GPHN: variants seen among roughly 807,000 people sequenced by gnomAD.
GPHN encodes the protein gephyrin.
Under a neutral mutation model 95.5 loss-of-function variants are expected in GPHN, and 17 were observed. That is an observed-to-expected ratio of 0.18 (90% CI 0.12 to 0.27). The LOEUF (loss-of-function observed/expected upper bound fraction) is 0.27. GPHN is among the 10% of genes least tolerant of loss of function. The pLI is 1.00. For synonymous variants in GPHN, 320 were observed against 322.5 expected, an observed-to-expected ratio of 0.99 and a Z score of 0.08; for missense variants, 660 against 978.1, an observed-to-expected ratio of 0.67 and a Z score of 4.34.
the GPHN span, among the ~76,000 whole-genome samples, chr14:67,320,595 T>C: frequency 6.6e-6 from 1 of 152,216 alleles, no homozygotes; most frequent in Non-Finnish European, 1.5e-5. Context: ...CCTTCAAGTA[T>C]GTACTGATTA....
the GPHN span, chr14:67,652,584 A>G: frequency 6.6e-6 from 1 of 152,288 alleles, no homozygotes; most frequent in Non-Finnish European, 1.5e-5. Context: ...TCCTCTGGGC[A>G]ACCTGACAGT....
the GPHN span, among the ~76,000 whole-genome samples, chr14:67,237,340 T>G: frequency 6.6e-6 from 1 of 152,030 alleles, no homozygotes; most frequent in Non-Finnish European, 1.5e-5. Context: ...AAGACCTGGT[T>G]TTCACTAGTA....
At chr14:66,552,852 T>C (rs1358689805) in intron 1 of GPHN, among the ~76,000 whole-genome samples, 1 of 152,196 alleles carries the variant, frequency 6.6e-6, no homozygotes, top group African/African-American at 2.4e-5. Flanking sequence ...CTGGCTGCTT[T>C]CAAGATTTTT....
intron 1 of GPHN, among the ~76,000 whole-genome samples, chr14:66,678,698 G>A (rs769733949): frequency 1.4e-4 from 22 of 151,880 alleles, no homozygotes; most frequent in Middle Eastern, 3.4e-3. Flanking sequence ...TAGCAATTTC[G>A]TCTTTCAGTT....
At chr14:66,864,800 C>T (rs1013289180) in intron 4 of GPHN, among the ~76,000 whole-genome samples, 3 of 151,884 alleles carry the variant, frequency 2.0e-5, no homozygotes, top group Non-Finnish European at 2.9e-5. Flanking sequence ...CTCAGTATTT[C>T]CAAGGAATAT....
At chr14:66,620,949 A>T (rs1388160835) in intron 1 of GPHN, among the ~76,000 whole-genome samples, 1 of 152,166 alleles carries the variant, frequency 6.6e-6, no homozygotes, top group Non-Finnish European at 1.5e-5. Flanking sequence ...TGCCAGTCCC[A>T]AATCCAGCAG....
chr14:66,526,562 T>A (rs2058701225), intron 1 of GPHN, among the ~76,000 whole-genome samples: 1 of 152,238 alleles, frequency 6.6e-6, no homozygotes, highest in African/African-American at 2.4e-5. Flanking sequence ...GTGCTGGTTT[T>A]CAAAGGGAAT....
At chr14:67,213,919 T>G in the GPHN span, among the ~76,000 whole-genome samples, 1 of 152,252 alleles carries the variant, frequency 6.6e-6, no homozygotes, top group Non-Finnish European at 1.5e-5. Context: ...TGGCCAGTGA[T>G]GGTGAGCATT....
chr14:67,136,655 A>T (rs2080094762), intron 17 of GPHN, among the ~76,000 whole-genome samples: 1 of 152,178 alleles, frequency 6.6e-6, no homozygotes, highest in Non-Finnish European at 1.5e-5. Flanking sequence ...GTTTTTCAGG[A>T]TCATCTAGGT....
At chr14:66,524,372 ATAT>A (rs1336038348) in intron 1 of GPHN, among the ~76,000 whole-genome samples, 1 of 152,160 alleles carries the variant, frequency 6.6e-6, no homozygotes, top group Non-Finnish European at 1.5e-5. Flanking sequence ...AGGGAAATAA[ATAT>A]TATGTATAAA....
chr14:67,059,058 C>A, intron 11 of GPHN: 1 of 541,804 alleles, frequency 1.8e-6, no homozygotes, highest in Non-Finnish European at 3.2e-6. Flanking sequence ...TTTCTGCTGT[C>A]CATGAAAATA....
At chr14:66,877,795 G>A (rs2153532313) in intron 4 of GPHN, among the ~76,000 whole-genome samples, 1 of 152,184 alleles carries the variant, frequency 6.6e-6, no homozygotes, top group East Asian at 1.9e-4. Flanking sequence ...TGTGAAAATG[G>A]CCATACTGCC....
chr14:66,882,388 A>C (rs2063971087), intron 5 of GPHN, among the ~76,000 whole-genome samples: 1 of 151,742 alleles, frequency 6.6e-6, no homozygotes, highest in African/African-American at 2.4e-5. Context: ...TTTTATGTCT[A>C]GAGAGCAGCA....
At chr14:66,509,852 A>G (rs969610230) in intron 1 of GPHN, among the ~76,000 whole-genome samples, 5 of 152,146 alleles carry the variant, frequency 3.3e-5, no homozygotes, top group Non-Finnish European at 7.4e-5. Flanking sequence ...TAGGTAGAAA[A>G]AAAATGTCTG....
At chr14:67,411,219 A>G in the GPHN span, among the ~76,000 whole-genome samples, 1 of 151,354 alleles carries the variant, frequency 6.6e-6, no homozygotes, top group African/African-American at 2.4e-5. Context: ...TCTTTTGTTC[A>G]TCTTCTACCA....
chr14:67,086,855 G>A (rs1349534649), intron 11 of GPHN, among the ~76,000 whole-genome samples: 1 of 150,670 alleles, frequency 6.6e-6, no homozygotes, highest in East Asian at 2.0e-4. Context: ...TGGATAACAC[G>A]GTGAAACCCC....
At chr14:67,077,654 C>G (rs1221159090) in intron 11 of GPHN, among the ~76,000 whole-genome samples, 1 of 152,100 alleles carries the variant, frequency 6.6e-6, no homozygotes, top group Non-Finnish European at 1.5e-5. Context: ...AAGACTTTTT[C>G]TAAAGATACC....
the GPHN span, chr14:67,203,125 AT>A: frequency 1.9e-6 from 3 of 1,613,716 alleles, no homozygotes; most frequent in East Asian, 6.7e-5. Flanking sequence ...ATTTACCTTC[AT>A]AACCGAGCCA....
chr14:67,702,619 A>G, the GPHN span, among the ~76,000 whole-genome samples: 1 of 152,228 alleles, frequency 6.6e-6, no homozygotes, highest in South Asian at 2.1e-4. Context: ...ATAATTTTAA[A>G]GCCAGTTTAT....
Sources: allele counts gnomAD v4.1 joint callset (sites outside exome capture counted in the v4.1 genomes callset), GRCh38; gene constraint gnomAD v4.1.1; transcripts MANE v1.5; gene names NCBI Gene and HGNC (gene_info 2026-07-23, HGNC 2026-07-21).